WWOX: variants seen among roughly 807,000 people sequenced by gnomAD.
WWOX encodes WW domain containing oxidoreductase, also known as WW domain-containing oxidoreductase.
In WWOX, 69 loss-of-function variants were observed where a neutral mutation model predicts 46.2. That is an observed-to-expected ratio of 1.49 (90% CI 1.23 to 1.82). The LOEUF is 1.82. Ranked by LOEUF, WWOX falls within the 40% of genes most tolerant of loss-of-function variation. The pLI is 0.00. For missense variants in WWOX, 919 were observed against 542.6 expected (o/e 1.69, Z -6.89); for synonymous variants, 359 against 202.6 (o/e 1.77, Z -6.56).
At chr16:79,172,157 C>T (rs190971076) in intron 8 of WWOX, among the ~76,000 whole-genome samples, 9 of 152,254 alleles carry the variant, frequency 5.9e-5, no homozygotes, top group Non-Finnish European at 7.4e-5. Context: ...GTTAGTTGTA[C>T]GCCCCATGAA....
intron 8 of WWOX, among the ~76,000 whole-genome samples, chr16:78,587,576 C>G (rs1208913421): frequency 6.6e-6 from 1 of 152,008 alleles, no homozygotes; most frequent in Non-Finnish European, 1.5e-5. Flanking sequence ...CCCTGATTAC[C>G]GTAAACAGAG....
intron 5 of WWOX, among the ~76,000 whole-genome samples, chr16:78,265,057 G>A (rs943441833): frequency 1.4e-5 from 2 of 140,014 alleles, no homozygotes; most frequent in Admixed American, 7.6e-5. Context: ...TTGGAGTGCA[G>A]TGGCACGATC....
At chr16:78,305,518 G>A (rs906617301) in intron 5 of WWOX, among the ~76,000 whole-genome samples, 1 of 152,058 alleles carries the variant, frequency 6.6e-6, no homozygotes, top group South Asian at 2.1e-4. Flanking sequence ...GTTCCCTCTG[G>A]AAGTTAAAGC....
At chr16:79,046,527 C>G (rs886084535) in intron 8 of WWOX, among the ~76,000 whole-genome samples, 2 of 152,170 alleles carry the variant, frequency 1.3e-5, no homozygotes, top group African/African-American at 4.8e-5. Flanking sequence ...TCATAGATGT[C>G]TGCCCTTCTT....
At chr16:78,222,783 G>A (rs8061900) in intron 5 of WWOX, among the ~76,000 whole-genome samples, 84,584 of 152,120 alleles carry the variant, frequency 0.56, 24,150 homozygotes, top group Admixed American at 0.66. Context: ...CAAATGTAGT[G>A]ACATCTATTT....
intron 8 of WWOX, among the ~76,000 whole-genome samples, chr16:78,691,995 C>A (rs1000490323): frequency 6.6e-6 from 1 of 152,178 alleles, no homozygotes; most frequent in Non-Finnish European, 1.5e-5. Flanking sequence ...TTTGCTTCTT[C>A]CTCATTTTCT....
chr16:78,296,074 G>C (rs1403172548), intron 5 of WWOX, among the ~76,000 whole-genome samples: 6 of 152,184 alleles, frequency 3.9e-5, no homozygotes, highest in African/African-American at 1.2e-4. Flanking sequence ...AAATGCTTTT[G>C]CTGTCATTGC....
At chr16:78,248,412 C>G (rs115106253) in intron 5 of WWOX, among the ~76,000 whole-genome samples, 1,873 of 152,270 alleles carry the variant, frequency 0.012, 51 homozygotes, top group African/African-American at 0.043. Context: ...TCACCTTCCA[C>G]CAGGCCCCAC....
At position 79,084,636 on chromosome 16, in the gene WWOX, G is replaced by C. The variant is rs1443543599; in HGVS notation, c.1057-126972G>C. 2.0e-5 allele frequency among the ~76,000 whole-genome samples: 3 copies of C among 152,144 alleles called. No individual in the cohort carries two copies. In the South Asian group the frequency reaches 6.2e-4, roughly 32 times the overall value. ...CACCATATTGGTCAGACTGGTCTTG[G>C]ACTCCTGGCCTCGTGATGCACCCGC... On this transcript the variant is annotated intron_variant, in intron 8 of 8. Transcript: ENST00000566780.
intron 8 of WWOX, among the ~76,000 whole-genome samples, chr16:79,029,907 A>G (rs1442526975): frequency 1.3e-5 from 2 of 152,182 alleles, no homozygotes; most frequent in African/African-American, 4.8e-5. Context: ...ATAAACGCAT[A>G]TGGTCACTTT....
chr16:78,422,802 TACACACAC>T lies in WWOX; in HGVS notation c.606-2066_606-2059del, dbSNP rs1302383672. On this transcript the variant is annotated intron_variant, in intron 6 of 8. Coordinates refer to ENST00000566780, the MANE Select transcript of WWOX (RefSeq NM_016373.4). The stretch of plus-strand genomic sequence containing the variant: ...ATATATATACACACACACATATATA[TACACACAC>T]ATATATATACACACACATATATATA... Among the ~76,000 whole-genome samples, 335 of 106,510 alleles carry T rather than the reference TACACACAC, an allele frequency of 3.1e-3. 14 individuals are homozygous for T. Among genetic ancestry groups the T allele is most frequent in the East Asian group, 0.028 (96 of 3,392 alleles). 69.9% of individuals were successfully genotyped at this position (106,510 alleles called of 152,430 possible).
In WWOX at chr16:78,628,343, C is replaced by G. The variant is rs79518910; in HGVS notation, c.1056+195591C>G. Reference sequence around the variant, plus strand: ...GAATCTCAGCCTTCCAGCAGAATCCCCTTTGTTTGCTCTAAATATACATTC... The same window carrying G: ...GAATCTCAGCCTTCCAGCAGAATCCGCTTTGTTTGCTCTAAATATACATTC... On this transcript the variant is annotated intron_variant, in intron 8 of 8. Coordinates refer to ENST00000566780, the MANE Select transcript of WWOX (RefSeq NM_016373.4). 5.1e-3 allele frequency among the ~76,000 whole-genome samples: 775 copies of G among 152,150 alleles called. 6 individuals carry two copies. Among genetic ancestry groups the G allele is most frequent in the African/African-American group, 0.018 (748 of 41,514 alleles).
At chr16:78,331,590 G>A (rs568009121) in intron 5 of WWOX, among the ~76,000 whole-genome samples, 10 of 152,324 alleles carry the variant, frequency 6.6e-5, no homozygotes, top group African/African-American at 2.4e-4. Flanking sequence ...ACGTGGCCCT[G>A]TAACCACCCT....
intron 5 of WWOX, among the ~76,000 whole-genome samples, chr16:78,224,816 A>C (rs1567439565): frequency 6.6e-6 from 1 of 152,236 alleles, no homozygotes; most frequent in Non-Finnish European, 1.5e-5. Flanking sequence ...GAAAGGTAGA[A>C]TCTAATTTTA....
chr16:78,471,964 C>G (rs1567592813), intron 8 of WWOX, among the ~76,000 whole-genome samples: 3 of 151,994 alleles, frequency 2.0e-5, no homozygotes, highest in Admixed American at 6.6e-5. Flanking sequence ...ATGCAAAATC[C>G]TTCTTTAGAA....
At chr16:78,785,206 T>C (rs2050425070) in intron 8 of WWOX, among the ~76,000 whole-genome samples, 1 of 152,254 alleles carries the variant, frequency 6.6e-6, no homozygotes, top group Non-Finnish European at 1.5e-5. Context: ...TGTCTTTTGC[T>C]AGCAGGCGCT....
chr16:79,039,935 C>T (rs2047939367), intron 8 of WWOX, among the ~76,000 whole-genome samples: 1 of 152,158 alleles, frequency 6.6e-6, no homozygotes, highest in African/African-American at 2.4e-5. Context: ...CTCTTGAGTA[C>T]ATCTGGAGGG....
intron 8 of WWOX, among the ~76,000 whole-genome samples, chr16:78,844,900 G>C (rs750945773): frequency 5.3e-5 from 8 of 152,282 alleles, no homozygotes; most frequent in Middle Eastern, 3.4e-3. Flanking sequence ...GCCAGAGCTA[G>C]TGGTTGCTGA....
chr16:78,261,788 C>CTAGAGATATATATATATATATATA (rs1491587303), intron 5 of WWOX, among the ~76,000 whole-genome samples: 2 of 73,746 alleles, frequency 2.7e-5, no homozygotes, highest in African/African-American at 1.1e-4. Flanking sequence ...ATCTATCTAT[C>CTAGAGATATATATATATATATATA]TATATATATA....
Sources: allele counts gnomAD v4.1 joint callset (sites outside exome capture counted in the v4.1 genomes callset), GRCh38; gene constraint gnomAD v4.1.1; transcripts MANE v1.5; gene names NCBI Gene and HGNC (gene_info 2026-07-23, HGNC 2026-07-21).